Variants in ARVCF observed in about 807,000 individuals in gnomAD.
ARVCF encodes the protein splicing regulator ARVCF.
ARVCF carries 66 observed loss-of-function variants against 90.9 expected under a neutral mutation model. The observed-to-expected ratio is 0.73, with a 90% CI of 0.60 to 0.89. The LOEUF (loss-of-function observed/expected upper bound fraction) is 0.89. Ranked by LOEUF, ARVCF falls within the 40% of genes least tolerant of loss-of-function variation. ARVCF has a pLI of 0.00. For missense variants in ARVCF, 1,469 were observed against 1,382.3 expected (o/e 1.06, Z -1.00); for synonymous variants, 653 against 603.4 (o/e 1.08, Z -1.21).
intron 2 of ARVCF, among the ~76,000 whole-genome samples, chr22:20,004,247 T>C (rs59507861): frequency 0.056 from 8,473 of 152,242 alleles, 778 homozygotes; most frequent in African/African-American, 0.19. Context: ...AGATATCCCA[T>C]GTTCATGGCT....
At chr22:20,012,615 C>CT (rs1944877899) in intron 1 of ARVCF, among the ~76,000 whole-genome samples, 1 of 152,258 alleles carries the variant, frequency 6.6e-6, no homozygotes, top group Admixed American at 6.5e-5. Flanking sequence ...GGGCCCTTTT[C>CT]CCAGTGAGGA....
At position 19,977,992 on chromosome 22, in the gene ARVCF, T is replaced by G; in HGVS notation, c.1664A>C (p.Gln555Pro). Residue 555 changes from glutamine (Q) to proline (P), a missense_variant, in exon 8 of 20, where the codon CAG becomes CCG. Coordinates refer to ENST00000263207, the MANE Select transcript of ARVCF (RefSeq NM_001670.3). The part of the protein sequence containing the change: ...GLVDALLHAL[Q>P]SAVGRKDTDN... ...AGTGTCCTTCCGGCCCACAGCCGAC[T>G]GCAGGGCATGCAGGAGCGCGTCCAC... The G allele has an allele frequency of 6.2e-7, 1 of 1,611,684 alleles. No individual in the cohort carries two copies. Among genetic ancestry groups the G allele is most frequent in the Non-Finnish European group, 8.5e-7 (1 of 1,179,290 alleles).
intron 2 of ARVCF, among the ~76,000 whole-genome samples, chr22:20,001,101 G>T (rs1944428676): frequency 6.6e-6 from 1 of 152,236 alleles, no homozygotes; most frequent in South Asian, 2.1e-4. Context: ...CAGGCCCTTT[G>T]GGGGGTGGGG....
At chr22:20,014,537 C>T (rs1161354641) in intron 1 of ARVCF, among the ~76,000 whole-genome samples, 1 of 152,194 alleles carries the variant, frequency 6.6e-6, no homozygotes, top group African/African-American at 2.4e-5. Context: ...AGAACAGACA[C>T]CTCCCCATGA....
Position 19,971,950 on chromosome 22 carries a change from C to T in ARVCF, c.2717G>A (p.Arg906Gln), listed in dbSNP as rs165815. ...LGPDGYSTVDRRERRPRGASS... is the reference protein window; with the variant it reads ...LGPDGYSTVDQRERRPRGASS... Reference sequence around the variant, plus strand: ...GGCGCCCCGTGGCCTCCGCTCCCTCCGGTCCACCGTGGAGTATCCGTCTGT... The same window carrying T: ...GGCGCCCCGTGGCCTCCGCTCCCTCTGGTCCACCGTGGAGTATCCGTCTGT... Residue 906 changes from arginine (R) to glutamine (Q), a missense_variant, in exon 18 of 20, where the codon CGG becomes CAG. Physicochemically the swap from Arg to Gln is conservative, Grantham distance 43. Coordinates refer to ENST00000263207, the MANE Select transcript of ARVCF (RefSeq NM_001670.3). The T allele has an allele frequency of 0.81, 1,307,115 of 1,611,770 alleles. 539,767 individuals are homozygous for T. The highest frequency in any genetic ancestry group is 0.86 in the Non-Finnish European group (1,014,068 of 1,179,222).
chr22:19,972,324 C>T (rs1400674060), intron 17 of ARVCF, 34 bp downstream of exon 17: 1 of 1,613,634 alleles, frequency 6.2e-7, no homozygotes, highest in Non-Finnish European at 8.5e-7. Flanking sequence ...CCCCTCCCGG[C>T]ACAGAAAACC....
Position 19,995,973 on chromosome 22 carries a change from C to T in ARVCF, c.-18-5161G>A, listed in dbSNP as rs1045239604. ...GGAGCTGCCAGCACAGAGACTTCCT[C>T]GTCCCCCTAGCTGGCCAGGCCTTGT... On this transcript the variant is annotated intron_variant, in intron 2 of 19. Coordinates refer to ENST00000263207, the MANE Select transcript of ARVCF (RefSeq NM_001670.3). Among the ~76,000 whole-genome samples, 15 of 152,230 alleles carry T rather than the reference C, an allele frequency of 9.9e-5. 1 individual carries two copies. Among genetic ancestry groups the T allele is most frequent in the Non-Finnish European group, 2.2e-4 (15 of 68,034 alleles).
intron 11 of ARVCF, among the ~76,000 whole-genome samples, chr22:19,974,971 A>AT: frequency 6.6e-6 from 1 of 151,814 alleles, no homozygotes; most frequent in Non-Finnish European, 1.5e-5. Flanking sequence ...TACTACCTCG[A>AT]TCTCCCCTGT....
chr22:19,981,020 C>T (rs2146310908), intron 5 of ARVCF, 191 bp downstream of exon 5: 2 of 693,126 alleles, frequency 2.9e-6, no homozygotes, highest in Middle Eastern at 4.2e-4. Flanking sequence ...GCCTGCAGGA[C>T]AGTGCCCAGC....
At chr22:20,013,231 G>A (rs1288731800) in intron 1 of ARVCF, among the ~76,000 whole-genome samples, 3 of 152,194 alleles carry the variant, frequency 2.0e-5, no homozygotes, top group Non-Finnish European at 2.9e-5. Flanking sequence ...GTGAGAACAC[G>A]CCCACTTCTG....
rs1182510016 is a variant in ARVCF at position 19,981,670 on chromosome 22, A to C, written c.437T>G (p.Leu146Arg). The C allele has an allele frequency of 3.1e-6, 5 of 1,606,612 alleles. No individual in the cohort carries two copies. The Admixed American group carries it at 8.4e-5, about 27-fold the overall frequency. ...TGGGGGGCCGCCATCCAGCAGGGGG[A>C]GTCCATCTGGGCCCACGGGCACCTG... ...VRQVPVGPDG[L>R]PLLDGGPPLG... The change falls in exon 5 of 20, where the codon CTC becomes CGC. Residue 146 changes from leucine to arginine, a missense_variant. Physicochemically the swap from Leu to Arg is moderately radical, Grantham distance 102 (BLOSUM62 -2). Transcript: ENST00000263207.
At chr22:19,998,716 A>G (rs1944342694) in intron 2 of ARVCF, among the ~76,000 whole-genome samples, 1 of 152,206 alleles carries the variant, frequency 6.6e-6, no homozygotes, top group African/African-American at 2.4e-5. Context: ...AATGCCCAGG[A>G]TGGCTGCAGG....
chr22:19,981,756 G>C lies in ARVCF; in HGVS notation c.370-19C>G. 1.9e-6 allele frequency: 3 copies of C among 1,553,286 alleles called. No individual in the cohort carries two copies. The highest frequency in any genetic ancestry group is 2.6e-6 in the Non-Finnish European group (3 of 1,147,842). On this transcript the variant is annotated intron_variant, in intron 4 of 19. Transcript: ENST00000263207. ...TGGTGACCTGGTGGATGGATAGGCA[G>C]GTAGGTGGGGTAGCACGAGAGGCCT...
intron 1 of ARVCF, among the ~76,000 whole-genome samples, chr22:20,011,064 G>A (rs538876452): frequency 2.3e-4 from 35 of 152,346 alleles, no homozygotes; most frequent in African/African-American, 8.2e-4. Context: ...CCTGGCCCTG[G>A]AGCTGTGGCC....
chr22:19,987,465 G>A (rs987952653), intron 3 of ARVCF, among the ~76,000 whole-genome samples: 1 of 147,372 alleles, frequency 6.8e-6, no homozygotes. Context: ...CTTTCCCGCC[G>A]AAAGACTTTG....
intron 2 of ARVCF, among the ~76,000 whole-genome samples, chr22:20,004,775 G>A (rs1419109808): frequency 6.6e-6 from 1 of 152,206 alleles, no homozygotes; most frequent in African/African-American, 2.4e-5. Flanking sequence ...CAATAAAGGT[G>A]CCAAGACCAT....
At chr22:20,007,703 C>T (rs1164658250) in intron 2 of ARVCF, among the ~76,000 whole-genome samples, 1 of 152,224 alleles carries the variant, frequency 6.6e-6, no homozygotes, top group Non-Finnish European at 1.5e-5. Flanking sequence ...CTTCAGCGCT[C>T]TCTCACGTGT....
At chr22:19,977,682 G>T in intron 8 of ARVCF, 96 bp from the exon 9 acceptor site, 1 of 1,442,704 alleles carries the variant, frequency 6.9e-7, no homozygotes, top group Non-Finnish European at 9.2e-7. Flanking sequence ...GAGGGCACCG[G>T]GAGCAAAGGA....
rs1306048225 is a variant in ARVCF at position 19,970,591 on chromosome 22, G to A, written c.*165C>T. On this transcript the variant is annotated 3_prime_UTR_variant, in exon 20 of 20. Coordinates refer to ENST00000263207, the MANE Select transcript of ARVCF (RefSeq NM_001670.3). ...GGTAGGATGGGGGGAGTGGGGTGGG[G>A]GGGCAGGAGGGTGTCCCCAAAGTCA... 1 of 1,239,728 alleles carries A rather than the reference G, an allele frequency of 8.1e-7. No individual in the cohort carries two copies. Among genetic ancestry groups the A allele is most frequent in the Non-Finnish European group, 1.0e-6 (1 of 965,800 alleles). The allele number at this position is 1,239,728 out of a possible 1,614,324, so 76.8% of individuals were successfully genotyped here.
Sources: gnomAD v4.1 joint callset for allele counts (sites outside exome capture counted in the v4.1 genomes callset) on GRCh38, gnomAD v4.1.1 for gene constraint, MANE v1.5 for transcripts, NCBI Gene and HGNC (gene_info 2026-07-23, HGNC 2026-07-21) for gene names.